Variants in FGD6 observed in about 807,000 individuals in gnomAD.
FGD6 encodes the protein FYVE, RhoGEF and PH domain containing 6.
In FGD6, 90 loss-of-function variants were observed where a neutral mutation model predicts 149.4. That is an observed-to-expected ratio of 0.60 (90% confidence interval 0.51 to 0.72). FGD6 has a LOEUF of 0.72. FGD6 is among the 30% of genes least tolerant of loss of function. FGD6 has a pLI of 0.00. For synonymous variants in FGD6, 527 were observed against 584.0 expected, an observed-to-expected ratio of 0.90 and a Z score of 1.41; for missense variants, 1,437 against 1,684.8, an observed-to-expected ratio of 0.85 and a Z score of 2.57.
rs1881428152 is a variant in FGD6 at position 95,186,225 on chromosome 12, C to CTTTTTTTTTTTTTTTTTTTTT, written c.2442-13482_2442-13481insAAAAAAAAAAAAAAAAAAAAA. Among the ~76,000 whole-genome samples the CTTTTTTTTTTTTTTTTTTTTT allele has an allele frequency of 2.1e-4, 15 of 71,186 alleles. 7 individuals are homozygous for CTTTTTTTTTTTTTTTTTTTTT. The highest frequency in any genetic ancestry group is 1.9e-3 in the South Asian group (4 of 2,072). 46.7% of individuals were successfully genotyped at this position (71,186 alleles called of 152,430 possible). ...AGCTAAGAATGCTTCTTATATTCTT[C>CTTTTTTTTTTTTTTTTTTTTT]TTCTTTTTTTTTTTTTTTTTTTTTT... On this transcript the variant is annotated intron_variant, in intron 2 of 20. Transcript: ENST00000343958.
chr12:95,133,155 C>T (rs944871488), intron 8 of FGD6, among the ~76,000 whole-genome samples: 2 of 152,168 alleles, frequency 1.3e-5, no homozygotes, highest in Admixed American at 6.5e-5. Flanking sequence ...TGGTGGCTCA[C>T]GCCTATAATC....
rs770920517 is a variant in FGD6, at chr12:95,092,716, A to G, written c.3730T>C (p.Cys1244Arg). 4 of 1,614,060 alleles carry G rather than the reference A, an allele frequency of 2.5e-6. No individual in the cohort carries two copies. The highest frequency in any genetic ancestry group is 3.4e-6 in the Non-Finnish European group (4 of 1,180,008). Reference sequence around the variant, plus strand: ...TCGCCAACCTTTCCACAGGCCCGGCAGTGGTGTCGTCTCCAGGTGAGAGTG... The same window carrying G: ...TCGCCAACCTTTCCACAGGCCCGGCGGTGGTGTCGTCTCCAGGTGAGAGTG... The part of the protein sequence containing the change: ...EFTLTWRRHH[C>R]RACGKIVCQA... The change falls in exon 16 of 21, where the codon TGC becomes CGC. Residue 1244 changes from cysteine (C) to arginine (R), a missense_variant. Physicochemically the swap from Cys to Arg is radical, Grantham distance 180. Coordinates refer to ENST00000343958, the MANE Select transcript of FGD6 (RefSeq NM_018351.4).
chr12:95,092,944 G>A, intron 15 of FGD6, 99 bp from the exon 16 acceptor site: 1 of 1,358,042 alleles, frequency 7.4e-7, no homozygotes, highest in Non-Finnish European at 1.0e-6. Flanking sequence ...ATGAGGGTCA[G>A]GCACAGCAGC....
intron 18 of FGD6, among the ~76,000 whole-genome samples, chr12:95,086,635 G>C (rs1877877926): frequency 6.8e-6 from 1 of 147,718 alleles, no homozygotes; most frequent in Non-Finnish European, 1.5e-5. Flanking sequence ...CACCTCCCAG[G>C]TTCACGCCAT....
Position 95,208,905 on chromosome 12 carries a change from T to C in FGD6, c.2379A>G (p.Val793=), listed in dbSNP as rs2056706542. Residue 793 remains valine, a synonymous_variant, in exon 2 of 21, where the codon GTA becomes GTG. Transcript: ENST00000343958. ...MEDADANVYE[V]EEPYEAPDGQ... ...CATCTGGAGCTTCATACGGCTCTTC[T>C]ACCTCATACACATTTGCATCAGCGT... is the stretch of plus-strand genomic sequence containing the variant. 6.2e-7 allele frequency: 1 copy of C among 1,614,152 alleles called. No homozygotes were observed. The highest frequency in any genetic ancestry group is 1.1e-5 in the South Asian group (1 of 91,082).
chr12:95,126,432 C>A (rs1299913091), intron 8 of FGD6: 2 of 1,168,124 alleles, frequency 1.7e-6, no homozygotes, highest in Non-Finnish European at 2.4e-6. Context: ...TTAAAAAAAA[C>A]AAACAAAAAA....
rs561065059 is a variant in FGD6 at position 95,202,995 on chromosome 12, G to C, written c.2441+5848C>G. On this transcript the variant is annotated intron_variant, in intron 2 of 20. Coordinates refer to ENST00000343958, the MANE Select transcript of FGD6 (RefSeq NM_018351.4). ...TACGACAACATGGAAATGTTCATAG[G>C]CTGTTAATGTATACTCTAATCCTTA... Among the ~76,000 whole-genome samples, 5 of 152,210 alleles carry C rather than the reference G, an allele frequency of 3.3e-5. No individual in the cohort carries two copies. The South Asian group carries it at 8.3e-4, about 25-fold the overall frequency.
intron 10 of FGD6, 23 bp from the exon 11 acceptor site, chr12:95,108,442 A>C (rs573618158): frequency 6.2e-7 from 1 of 1,614,026 alleles, no homozygotes; most frequent in East Asian, 2.2e-5. Flanking sequence ...AATGGAAAGC[A>C]TATGAAGGCC....
intron 8 of FGD6, among the ~76,000 whole-genome samples, chr12:95,122,227 T>C (rs1175727909): frequency 6.6e-6 from 1 of 152,226 alleles, no homozygotes; most frequent in Admixed American, 6.5e-5. Context: ...GTCATGAATA[T>C]ATTAGAAGCT....
chr12:95,085,908 C>T lies in FGD6; in HGVS notation c.3979G>A (p.Val1327Ile). Reference sequence around the variant, plus strand: ...GAAGAATCCTCTGTGTTTGCTGATACCTAGATAAGAAACCCCATACAAAGT... The same window carrying T: ...GAAGAATCCTCTGTGTTTGCTGATATCTAGATAAGAAACCCCATACAAAGT... ...QKKIPAALKE[V>I]SANTEDSSMS... is the part of the protein sequence containing the mutation. Residue 1327 changes from valine to isoleucine, a missense_variant and splice_region_variant, in exon 19 of 21, where the codon GTA (valine) becomes ATA (isoleucine). Transcript: ENST00000343958. 1.9e-6 allele frequency: 3 copies of T among 1,594,344 alleles called. No homozygotes were observed. The highest frequency in any genetic ancestry group is 2.6e-6 in the Non-Finnish European group (3 of 1,174,880).
chr12:95,136,849 T>C (rs963195580), intron 7 of FGD6, among the ~76,000 whole-genome samples: 2 of 152,228 alleles, frequency 1.3e-5, no homozygotes, highest in Non-Finnish European at 2.9e-5. Context: ...GTTTTGCAAG[T>C]TGAAAAGAGT....
At chr12:95,144,780 C>T (rs1273681448) in intron 5 of FGD6, among the ~76,000 whole-genome samples, 3 of 151,834 alleles carry the variant, frequency 2.0e-5, no homozygotes, top group East Asian at 1.9e-4. Context: ...CTCCACCTCC[C>T]GAGTTCAAGT....
intron 7 of FGD6, among the ~76,000 whole-genome samples, chr12:95,136,744 A>G (rs767707624): frequency 4.6e-5 from 7 of 150,854 alleles, no homozygotes; most frequent in Non-Finnish European, 1.0e-4. Flanking sequence ...CATGTTCCTT[A>G]ATCAAGTTCA....
At chr12:95,124,674 G>A (rs1879285747) in intron 8 of FGD6, among the ~76,000 whole-genome samples, 2 of 152,176 alleles carry the variant, frequency 1.3e-5, no homozygotes, top group Non-Finnish European at 1.5e-5. Context: ...TCTATGGGTA[G>A]AATTTGGGGT....
At chr12:95,178,877 C>T (rs187764471) in intron 2 of FGD6, among the ~76,000 whole-genome samples, 29 of 152,168 alleles carry the variant, frequency 1.9e-4, no homozygotes, top group East Asian at 1.4e-3. Flanking sequence ...AAAATGTACA[C>T]GATCAGTGTT....
chr12:95,089,897 T>G (rs1877995620), intron 17 of FGD6, among the ~76,000 whole-genome samples: 1 of 152,136 alleles, frequency 6.6e-6, no homozygotes, highest in Non-Finnish European at 1.5e-5. Flanking sequence ...TTATACTTTT[T>G]GAACTTTATG....
intron 3 of FGD6, among the ~76,000 whole-genome samples, chr12:95,156,240 C>A (rs1265771441): frequency 6.6e-6 from 1 of 152,186 alleles, no homozygotes; most frequent in Non-Finnish European, 1.5e-5. Flanking sequence ...AGGAACAGAG[C>A]CATATTTCTA....
chr12:95,131,389 G>A lies in FGD6; in HGVS notation c.3082+3350C>T, dbSNP rs555064140. ...CTCCCAAAGTGTTGGGATTACAGGC[G>A]TGAGACACCACACCTGGTGAGATGT... On this transcript the variant is annotated intron_variant, in intron 8 of 20. Transcript: ENST00000343958. 1.6e-4 allele frequency among the ~76,000 whole-genome samples: 24 copies of A among 152,240 alleles called. No individual in the cohort carries two copies. In the South Asian group the frequency reaches 2.7e-3, roughly 17 times the overall value.
chr12:95,189,487 C>T (rs1320589749), intron 2 of FGD6: 1 of 151,726 alleles, frequency 6.6e-6, no homozygotes, highest in South Asian at 2.1e-4. Flanking sequence ...TCTCTGCAAA[C>T]AAATACAAAA....
Sources: allele counts gnomAD v4.1 joint callset (sites outside exome capture counted in the v4.1 genomes callset), GRCh38; gene constraint gnomAD v4.1.1; transcripts MANE v1.5; gene names NCBI Gene and HGNC (gene_info 2026-07-23, HGNC 2026-07-21).